IL19: variants seen among roughly 807,000 people sequenced by gnomAD.
The protein encoded by IL19 is interleukin-19.
Under a neutral mutation model 19.5 loss-of-function variants are expected in IL19, and 15 were observed. The ratio of observed to expected loss-of-function variants is 0.77; its 90% CI spans 0.52 to 1.19. The LOEUF (loss-of-function observed/expected upper bound fraction) is 1.19. Among genes scored for constraint, IL19 ranks in the 50% most tolerant of loss-of-function variants. The probability of loss-of-function intolerance (pLI) is 0.00; values close to 1 mark genes in which losing one functional copy is unlikely to be tolerated. For synonymous variants in IL19, 78 were observed against 78.3 expected (o/e 1.00, Z 0.02); for missense variants, 199 against 213.1 (o/e 0.93, Z 0.41).
At chr1:206,782,855 C>T (rs1216722086) in intron 1 of IL19, among the ~76,000 whole-genome samples, 1 of 152,176 alleles carries the variant, frequency 6.6e-6, no homozygotes, top group African/African-American at 2.4e-5. Flanking sequence ...GCCTTTTATT[C>T]TCCTCTCTCC....
chr1:206,789,681 T>C (rs1055431561), intron 1 of IL19, among the ~76,000 whole-genome samples: 1 of 152,180 alleles, frequency 6.6e-6, no homozygotes, highest in Non-Finnish European at 1.5e-5. Flanking sequence ...TAATAACTAA[T>C]GGGTATTAAG....
At chr1:206,825,493 C>T (rs1416039516) in intron 2 of IL19, among the ~76,000 whole-genome samples, 1 of 152,216 alleles carries the variant, frequency 6.6e-6, no homozygotes, top group Admixed American at 6.5e-5. Context: ...AACTTAGGTG[C>T]AAACCCTAGA....
chr1:206,826,039 C>T (rs1464839082), intron 2 of IL19, among the ~76,000 whole-genome samples: 3 of 152,154 alleles, frequency 2.0e-5, no homozygotes, highest in South Asian at 2.1e-4. Flanking sequence ...CGGTCTCAGC[C>T]CTCCTCCACC....
intron 1 of IL19, among the ~76,000 whole-genome samples, chr1:206,786,171 C>T (rs1018070236): frequency 1.3e-5 from 2 of 152,134 alleles, no homozygotes; most frequent in Admixed American, 6.5e-5. Flanking sequence ...CATAATGATA[C>T]TTACCTGCTG....
intron 1 of IL19, among the ~76,000 whole-genome samples, chr1:206,782,037 ATATGTATATAGTTATATATACATATATG>A (rs1675160122): frequency 9.0e-5 from 9 of 100,264 alleles, no homozygotes; most frequent in Non-Finnish European, 1.7e-4. Context: ...ATATACATAT[ATATGTATATAGTTATATATACATATATG>A]TGTAAACATT....
At chr1:206,795,385 A>T (rs528531353) in intron 1 of IL19, among the ~76,000 whole-genome samples, 5 of 152,264 alleles carry the variant, frequency 3.3e-5, no homozygotes, top group African/African-American at 1.2e-4. Context: ...CTAGTCCTGG[A>T]TGGTGTTTGG....
At chr1:206,801,310 A>G (rs763044515) in intron 2 of IL19, among the ~76,000 whole-genome samples, 4 of 152,156 alleles carry the variant, frequency 2.6e-5, no homozygotes, top group African/African-American at 2.4e-5. Context: ...CTGCTCTGGA[A>G]TGTTCCTTGG....
chr1:206,771,450 T>TCCA, intron 1 of IL19: 1 of 1,548,248 alleles, frequency 6.5e-7, no homozygotes, highest in Non-Finnish European at 8.8e-7. Context: ...GAACTTGAGG[T>TCCA]TTGGGGAAAT....
At chr1:206,800,900 C>T (rs1675665707) in intron 2 of IL19, among the ~76,000 whole-genome samples, 1 of 152,322 alleles carries the variant, frequency 6.6e-6, no homozygotes, top group South Asian at 2.1e-4. Context: ...GAGGACCAGG[C>T]ACAGCCTGGA....
At chr1:206,824,148 C>T (rs371273447) in intron 2 of IL19, among the ~76,000 whole-genome samples, 1 of 152,174 alleles carries the variant, frequency 6.6e-6, no homozygotes, top group Non-Finnish European at 1.5e-5. Flanking sequence ...GGATGGAGGG[C>T]AACCCTAGCT....
chr1:206,841,138 A>T, intron 6 of IL19, 60 bp downstream of exon 6: 1 of 1,331,178 alleles, frequency 7.5e-7, no homozygotes, highest in Non-Finnish European at 1.1e-6. Context: ...GGAGGGTGCC[A>T]GGCCTTCAGC....
intron 2 of IL19, chr1:206,833,809 T>A: frequency 1.0e-6 from 1 of 985,576 alleles, no homozygotes. Flanking sequence ...AAATCCTTGC[T>A]TTATGAGGGG....
At chr1:206,790,035 T>G (rs932249119) in intron 1 of IL19, among the ~76,000 whole-genome samples, 2 of 152,242 alleles carry the variant, frequency 1.3e-5, no homozygotes, top group African/African-American at 4.8e-5. Context: ...TGACTTCTTT[T>G]CCTTTAAGTA....
chr1:206,794,643 C>A (rs1331378398), intron 1 of IL19, among the ~76,000 whole-genome samples: 2 of 152,146 alleles, frequency 1.3e-5, no homozygotes, highest in Non-Finnish European at 2.9e-5. Flanking sequence ...GATTCTCATG[C>A]CTGACAAGTC....
Position 206,837,030 on chromosome 1 carries a change from G to A in IL19, c.210+7G>A, listed in dbSNP as rs1676820129. 3.1e-6 allele frequency: 5 copies of A among 1,606,710 alleles called. No homozygotes were observed. The South Asian group carries it at 3.3e-5, about 11-fold the overall frequency. On this transcript the variant is annotated splice_region_variant and intron_variant, in intron 4 of 6. Coordinates refer to ENST00000659997, the MANE Select transcript of IL19 (RefSeq NM_153758.5). The stretch of plus-strand genomic sequence containing the variant: ...GACTCTGCAGATCATTAAGGTATTG[G>A]CCTGTGTCTGCTTTTTCCAGTATTT...
intron 2 of IL19, among the ~76,000 whole-genome samples, chr1:206,826,791 A>G (rs939291337): frequency 2.0e-5 from 3 of 152,212 alleles, no homozygotes; most frequent in African/African-American, 4.8e-5. Context: ...GCCATCCTCT[A>G]TGCCATTTGC....
At chr1:206,804,296 T>C (rs957689423) in intron 2 of IL19, among the ~76,000 whole-genome samples, 5 of 152,234 alleles carry the variant, frequency 3.3e-5, no homozygotes, top group African/African-American at 1.2e-4. Flanking sequence ...AGAGGGTTCC[T>C]GTGCTGGGAG....
chr1:206,780,595 T>C (rs1231857476), intron 1 of IL19, among the ~76,000 whole-genome samples: 1 of 152,180 alleles, frequency 6.6e-6, no homozygotes, highest in Non-Finnish European at 1.5e-5. Context: ...TGCTGGAATG[T>C]TAAAATTCTA....
rs1006998332 is a variant in IL19, at chr1:206,792,400, CA to C, written c.-148-6456del. ...CACCCTAGAAAAAATTGTGTAATGA[CA>C]AAAACATGATGCTCTGATTGACCCT... is the stretch of plus-strand genomic sequence containing the variant. On this transcript the variant is annotated intron_variant, in intron 1 of 6. Transcript: ENST00000659997. Among the ~76,000 whole-genome samples, 7 of 152,172 alleles carry C rather than the reference CA, an allele frequency of 4.6e-5. No homozygotes were observed. The East Asian group carries it at 1.2e-3, about 25-fold the overall frequency.
Sources: allele counts gnomAD v4.1 joint callset (sites outside exome capture counted in the v4.1 genomes callset), GRCh38; gene constraint gnomAD v4.1.1; transcripts MANE v1.5; gene names NCBI Gene and HGNC (gene_info 2026-07-23, HGNC 2026-07-21).